WWC2: variants seen among roughly 807,000 people sequenced by gnomAD.
WWC2 encodes the protein protein WWC2.
WWC2 carries 101 observed loss-of-function variants against 138.5 expected under a neutral mutation model. The observed-to-expected ratio is 0.73, with a 90% CI of 0.62 to 0.86. WWC2 has a LOEUF of 0.86. WWC2 is among the 40% of genes least tolerant of loss of function. WWC2 has a pLI of 0.00. For missense variants in WWC2, 1,420 were observed against 1,419.4 expected (o/e 1.00, Z -0.01); for synonymous variants, 558 against 538.4 (o/e 1.04, Z -0.50).
intron 1 of WWC2, among the ~76,000 whole-genome samples, chr4:183,130,343 C>T (rs1301347313): frequency 6.6e-6 from 1 of 152,136 alleles, no homozygotes; most frequent in Non-Finnish European, 1.5e-5. Context: ...AGCCAGCGCT[C>T]CCAGCCATTC....
At chr4:183,281,246 A>C (rs1738065678) in intron 17 of WWC2, 1 of 327,034 alleles carries the variant, frequency 3.1e-6, no homozygotes, top group Non-Finnish European at 5.5e-6. Flanking sequence ...TTTTTCTTTT[A>C]ACTACCTGGA....
chr4:183,255,124 C>T (rs1213327666), intron 9 of WWC2, among the ~76,000 whole-genome samples: 1 of 152,194 alleles, frequency 6.6e-6, no homozygotes, highest in African/African-American at 2.4e-5. Flanking sequence ...CTGTAGGGAA[C>T]ATGAAAACGT....
chr4:183,284,208 T>A lies in WWC2; in HGVS notation c.2884-18T>A, dbSNP rs761317586. ...ACACATCTTTCAGCTCCTGACAAAT[T>A]GTTAACTTCTCTTATAGGTTGACAA... On this transcript the variant is annotated intron_variant, in intron 18 of 22. Coordinates refer to ENST00000403733, the MANE Select transcript of WWC2 (RefSeq NM_024949.6). The A allele has an allele frequency of 6.2e-7, 1 of 1,608,348 alleles. No individual in the cohort carries two copies. Among genetic ancestry groups the A allele is most frequent in the Admixed American group, 1.7e-5 (1 of 59,830 alleles).
At chr4:183,194,672 G>T (rs940886146) in intron 2 of WWC2, among the ~76,000 whole-genome samples, 1 of 152,150 alleles carries the variant, frequency 6.6e-6, no homozygotes, top group Non-Finnish European at 1.5e-5. Context: ...GGTAGATGAT[G>T]TATTTCTCAA....
intron 21 of WWC2, among the ~76,000 whole-genome samples, chr4:183,291,874 A>G (rs943102970): frequency 1.3e-5 from 2 of 152,180 alleles, no homozygotes; most frequent in Non-Finnish European, 2.9e-5. Context: ...TGAAGAGAAT[A>G]TACAAATAAA....
intron 1 of WWC2, among the ~76,000 whole-genome samples, chr4:183,189,970 T>C (rs1008565153): frequency 1.3e-5 from 2 of 152,168 alleles, no homozygotes; most frequent in African/African-American, 4.8e-5. Context: ...AAGAATGATA[T>C]AATGCCAGCA....
In WWC2 at chr4:183,144,512, A is replaced by G. The variant is rs1733393457; in HGVS notation, c.131+44890A>G. ...TGCTAAGAGATTAGTACTAAAATGT[A>G]CTATGGTGAAGAAAACTGCTTGGCA... On this transcript the variant is annotated intron_variant, in intron 1 of 22. Coordinates refer to ENST00000403733, the MANE Select transcript of WWC2 (RefSeq NM_024949.6). Among the ~76,000 whole-genome samples the G allele has an allele frequency of 2.0e-5, 3 of 152,214 alleles. No individual in the cohort carries two copies. The South Asian group carries it at 6.2e-4, about 32-fold the overall frequency.
intron 2 of WWC2, among the ~76,000 whole-genome samples, chr4:183,203,892 G>A (rs1457916965): frequency 3.3e-5 from 5 of 152,014 alleles, no homozygotes; most frequent in Admixed American, 1.3e-4. Flanking sequence ...ACTAAGAGCC[G>A]CCATCACAGG....
chr4:183,304,840 C>G (rs1348382721), intron 21 of WWC2, among the ~76,000 whole-genome samples: 1 of 152,162 alleles, frequency 6.6e-6, no homozygotes, highest in Non-Finnish European at 1.5e-5. Flanking sequence ...TATATTACGT[C>G]TGGGTTTGAA....
intron 1 of WWC2, among the ~76,000 whole-genome samples, chr4:183,155,082 A>G (rs1205725481): frequency 2.0e-5 from 3 of 151,846 alleles, no homozygotes; most frequent in South Asian, 2.1e-4. Context: ...CACAAGTTAG[A>G]TAATTGACAT....
intron 1 of WWC2, among the ~76,000 whole-genome samples, chr4:183,158,801 C>T (rs1245561775): frequency 2.0e-5 from 3 of 152,112 alleles, no homozygotes; most frequent in African/African-American, 2.4e-5. Context: ...CACTTTACCT[C>T]GGAAAAGATG....
intron 1 of WWC2, among the ~76,000 whole-genome samples, chr4:183,176,788 C>T (rs376982018): frequency 6.6e-6 from 1 of 152,186 alleles, no homozygotes; most frequent in South Asian, 2.1e-4. Flanking sequence ...TCTCCTTACT[C>T]TCACAGGGGA....
chr4:183,162,250 A>G (rs1380994224), intron 1 of WWC2, among the ~76,000 whole-genome samples: 1 of 152,206 alleles, frequency 6.6e-6, no homozygotes, highest in East Asian at 1.9e-4. Flanking sequence ...TTCAAATTGC[A>G]GTATACTAAA....
chr4:183,163,835 T>A (rs1375224261), intron 1 of WWC2, among the ~76,000 whole-genome samples: 1 of 152,138 alleles, frequency 6.6e-6, no homozygotes, highest in Non-Finnish European at 1.5e-5. Flanking sequence ...ATTGGGTGCC[T>A]CAAATTGTAT....
In WWC2 at chr4:183,261,510, G is replaced by T. The variant is rs779513546; in HGVS notation, c.1887G>T (p.Glu629Asp). 4.3e-6 allele frequency: 7 copies of T among 1,611,832 alleles called. No individual in the cohort carries two copies. Among genetic ancestry groups the T allele is most frequent in the Non-Finnish European group, 5.9e-6 (7 of 1,179,036 alleles). ...AAGACCTTAATGAATGTGCTAGGGA[G>T]CCATTATATGAAGGAACTGCAGGTA... ...EDKDLNECAR[E>D]PLYEGTADVE... Residue 629 changes from glutamate to aspartate, a missense_variant, in exon 11 of 23, where the codon GAG (glutamate) becomes GAT (aspartate). Coordinates refer to ENST00000403733, the MANE Select transcript of WWC2 (RefSeq NM_024949.6).
In WWC2 at chr4:183,309,251, A is replaced by G. The variant is rs151074031; in HGVS notation, c.3385-3090A>G. Among the ~76,000 whole-genome samples, 476 of 152,348 alleles carry G rather than the reference A, an allele frequency of 3.1e-3. 1 individual carries two copies. The highest frequency in any genetic ancestry group is 4.9e-3 in the Non-Finnish European group (336 of 68,030). Reference sequence around the variant, plus strand: ...AATACCTGATAAGCTGGACTTCGTTATAATTTAAAACTTCTCTGTGAAAGA... The same window carrying G: ...AATACCTGATAAGCTGGACTTCGTTGTAATTTAAAACTTCTCTGTGAAAGA... On this transcript the variant is annotated intron_variant, in intron 21 of 22. Coordinates refer to ENST00000403733, the MANE Select transcript of WWC2 (RefSeq NM_024949.6).
intron 4 of WWC2, among the ~76,000 whole-genome samples, chr4:183,216,627 A>C (rs1037968859): frequency 3.3e-5 from 5 of 152,186 alleles, no homozygotes; most frequent in Admixed American, 3.3e-4. Context: ...AACTGAAAGG[A>C]AACAGATGAA....
chr4:183,107,231 C>T (rs1743395898), intron 1 of WWC2, among the ~76,000 whole-genome samples: 1 of 151,794 alleles, frequency 6.6e-6, no homozygotes, highest in Non-Finnish European at 1.5e-5. Flanking sequence ...TCTCGGCTCA[C>T]TGCGGCTTCC....
chr4:183,204,753 C>T (rs535258000), intron 2 of WWC2, among the ~76,000 whole-genome samples: 6 of 152,178 alleles, frequency 3.9e-5, no homozygotes, highest in Non-Finnish European at 7.3e-5. Context: ...GAGCTTTCTT[C>T]TTGCTCTGTT....
Sources: gnomAD v4.1 joint callset for allele counts (sites outside exome capture counted in the v4.1 genomes callset) on GRCh38, gnomAD v4.1.1 for gene constraint, MANE v1.5 for transcripts, NCBI Gene and HGNC (gene_info 2026-07-23, HGNC 2026-07-21) for gene names.